The following GCM1 variants were observed in gnomAD, a reference collection of about 807,000 sequenced individuals.
The protein encoded by GCM1 is chorion-specific transcription factor GCMa.
Under a neutral mutation model 25.7 loss-of-function variants are expected in GCM1, and 2 were observed. That is an observed-to-expected ratio of 0.08 (90% CI 0.03 to 0.24). The LOEUF is 0.24. Among genes scored for constraint, GCM1 ranks in the 10% least tolerant of loss-of-function variants. The probability of loss-of-function intolerance (pLI) is 1.00; values close to 1 mark genes in which losing one functional copy is unlikely to be tolerated. For synonymous variants in GCM1, 183 were observed against 195.7 expected (o/e 0.94, Z 0.54); for missense variants, 395 against 538.7 (o/e 0.73, Z 2.64).
chr6:53,135,016 G>A (rs1763779426), intron 2 of GCM1, among the ~76,000 whole-genome samples: 2 of 152,272 alleles, frequency 1.3e-5, no homozygotes, highest in South Asian at 2.1e-4. Context: ...CTACGTTCAC[G>A]TGCCTCAAAC....
At chr6:53,129,613 C>T (rs1250524109) in intron 5 of GCM1, among the ~76,000 whole-genome samples, 1 of 152,162 alleles carries the variant, frequency 6.6e-6, no homozygotes, top group Non-Finnish European at 1.5e-5. Context: ...GAACTATTTA[C>T]AAAATATCAA....
At chr6:53,131,856 A>G in intron 4 of GCM1, 151 bp downstream of exon 4, 1 of 635,770 alleles carries the variant, frequency 1.6e-6, no homozygotes, top group South Asian at 1.8e-5. Flanking sequence ...AGCACTTCAA[A>G]CATCTATTAG....
rs746241994 is a variant in GCM1 at position 53,128,856 on chromosome 6, G to A, written c.661C>T (p.His221Tyr). The A allele has an allele frequency of 6.2e-7, 1 of 1,612,134 alleles. No homozygotes were observed. Among genetic ancestry groups the A allele is most frequent in the South Asian group, 1.1e-5 (1 of 91,032 alleles). Reference protein sequence around the residue: ...GVQLPGSYSGHLIANTPQQNS... With the variant: ...GVQLPGSYSGYLIANTPQQNS... The stretch of plus-strand genomic sequence containing the variant: ...TGCTGAGGAGTGTTAGCTATTAAAT[G>A]TCCACTGTAACTACCAGGCAATTGG... Residue 221 changes from histidine to tyrosine, a missense_variant, in exon 6 of 6, where the codon CAT (histidine) becomes TAT (tyrosine). This residue lies in a region of GCM1 where 291 missense variants were observed against 314.6 expected (regional missense o/e 0.92). Coordinates refer to ENST00000259803, the MANE Select transcript of GCM1 (RefSeq NM_003643.4).
At chr6:53,148,575 A>G (rs1763997839) in intron 1 of GCM1, among the ~76,000 whole-genome samples, 179 bp downstream of exon 1, 1 of 152,252 alleles carries the variant, frequency 6.6e-6, no homozygotes, top group African/African-American at 2.4e-5. Context: ...TTCCTCTTCT[A>G]GGATTGAAAA....
At chr6:53,139,676 A>C (rs1439963765) in intron 2 of GCM1, among the ~76,000 whole-genome samples, 3 of 151,888 alleles carry the variant, frequency 2.0e-5, no homozygotes, top group Non-Finnish European at 4.4e-5. Flanking sequence ...GAACATCCTG[A>C]TCTTGAAACC....
At chr6:53,140,408 A>G (rs1763857521) in intron 2 of GCM1, among the ~76,000 whole-genome samples, 4 of 151,752 alleles carry the variant, frequency 2.6e-5, no homozygotes. Context: ...TTTGGGGCTT[A>G]TCTTTTGCAG....
chr6:53,148,612 T>A (rs1405496771), intron 1 of GCM1, 142 bp downstream of exon 1: 1 of 152,242 alleles, frequency 6.6e-6, no homozygotes, highest in Non-Finnish European at 1.5e-5. Flanking sequence ...CTCCTTTTTT[T>A]AAAGCAACTT....
intron 2 of GCM1, among the ~76,000 whole-genome samples, chr6:53,140,714 A>C (rs374224745): frequency 1.8e-4 from 28 of 152,172 alleles, no homozygotes; most frequent in African/African-American, 6.3e-4. Flanking sequence ...TATTTGAAAC[A>C]GAGTGGATAT....
At chr6:53,142,405 A>G (rs4129428) in intron 2 of GCM1, among the ~76,000 whole-genome samples, 29,675 of 152,264 alleles carry the variant, frequency 0.19, 3,572 homozygotes, top group African/African-American at 0.34. Flanking sequence ...GAGAGCCACC[A>G]ATGCACAGGA....
Position 53,128,346 on chromosome 6 carries a change from A to G in GCM1, c.1171T>C (p.Phe391Leu), listed in dbSNP as rs1245349956. 1 of 1,614,098 alleles carries G rather than the reference A, an allele frequency of 6.2e-7. No homozygotes were observed. The highest frequency in any genetic ancestry group is 1.7e-5 in the Admixed American group (1 of 60,010). ...YHSPQEDPFLFTYASHPHQQY... is the reference protein window; with the variant it reads ...YHSPQEDPFLLTYASHPHQQY... ...TGATGAGGATGAGAGGCGTAGGTGA[A>G]GAGAAAGGGGTCTTCTTGAGGTGAA... Residue 391 changes from phenylalanine to leucine, a missense_variant, in exon 6 of 6, where the codon TTC becomes CTC. Phe to Leu is a conservative substitution (Grantham distance 22). This residue lies in a region of GCM1 where 291 missense variants were observed against 314.6 expected (regional missense o/e 0.92). Coordinates refer to ENST00000259803, the MANE Select transcript of GCM1 (RefSeq NM_003643.4).
At chr6:53,130,169 T>C (rs1763704107) in intron 5 of GCM1, among the ~76,000 whole-genome samples, 1 of 152,192 alleles carries the variant, frequency 6.6e-6, no homozygotes, top group Admixed American at 6.5e-5. Context: ...ACCAGTTCCA[T>C]CTCTGTTCTC....
intron 5 of GCM1, 54 bp downstream of exon 5, chr6:53,130,749 A>C (rs1763711572): frequency 6.6e-7 from 1 of 1,512,088 alleles, no homozygotes; most frequent in Non-Finnish European, 9.0e-7. Flanking sequence ...TACCGCCCCC[A>C]GCACAGGCGT....
At chr6:53,133,991 G>A in intron 3 of GCM1, 81 bp downstream of exon 3, 1 of 1,388,554 alleles carries the variant, frequency 7.2e-7, no homozygotes, top group South Asian at 1.3e-5. Flanking sequence ...CCCTTGGGCG[G>A]TGCTGGGACA....
intron 1 of GCM1, 51 bp downstream of exon 1, chr6:53,148,703 G>T (rs552852811): frequency 1.3e-5 from 2 of 152,104 alleles, no homozygotes; most frequent in African/African-American, 4.8e-5. Flanking sequence ...TAGAGTGGTC[G>T]TTGCCACATC....
At position 53,145,503 on chromosome 6, in the gene GCM1, T is replaced by C. The variant is rs552244358; in HGVS notation, c.75+55A>G. The C allele has an allele frequency of 3.1e-5, 28 of 897,732 alleles. 1 individual carries two copies. The South Asian group carries it at 3.4e-4, about 11-fold the overall frequency. 55.6% of individuals were successfully genotyped at this position (897,732 alleles called of 1,614,324 possible). A position where few individuals can be genotyped will look rare whatever the true frequency, so the allele number is the denominator to read the frequency against. On this transcript the variant is annotated intron_variant, in intron 2 of 5. Transcript: ENST00000259803. Reference sequence around the variant, plus strand: ...TTCCTTCCAGGTCTCCGCATGTTAATAGTCAAGACTTCACAGCCCAATGTT... The same window carrying C: ...TTCCTTCCAGGTCTCCGCATGTTAACAGTCAAGACTTCACAGCCCAATGTT...
At chr6:53,132,975 A>G (rs1304989923) in intron 3 of GCM1, among the ~76,000 whole-genome samples, 2 of 152,180 alleles carry the variant, frequency 1.3e-5, no homozygotes, top group Non-Finnish European at 2.9e-5. Context: ...ATGAACAAAT[A>G]TCTCAGCACG....
intron 1 of GCM1, among the ~76,000 whole-genome samples, chr6:53,148,167 C>G (rs1265030011): frequency 1.3e-5 from 2 of 152,150 alleles, no homozygotes; most frequent in African/African-American, 2.4e-5. Context: ...ATTCAAAGGA[C>G]TTAAATAACA....
chr6:53,146,482 A>G (rs1348482100), intron 1 of GCM1, among the ~76,000 whole-genome samples: 13 of 151,978 alleles, frequency 8.6e-5, no homozygotes, highest in Non-Finnish European at 1.9e-4. Context: ...GGACTCCCAA[A>G]GTGTTGGGAT....
chr6:53,140,625 T>G (rs1763860317), intron 2 of GCM1, among the ~76,000 whole-genome samples: 1 of 151,838 alleles, frequency 6.6e-6, no homozygotes, highest in South Asian at 2.1e-4. Context: ...AACTGCTCAG[T>G]GTGTAGGAAC....
Sources: gnomAD v4.1 joint callset for allele counts (sites outside exome capture counted in the v4.1 genomes callset) on GRCh38, gnomAD v4.1.1 for gene constraint, gnomAD v4.1.1 regional missense constraint, MANE v1.5 for transcripts, NCBI Gene and HGNC (gene_info 2026-07-23, HGNC 2026-07-21) for gene names.